The following PLOD1 variants were observed in gnomAD, a reference collection of about 807,000 sequenced individuals.
The protein encoded by PLOD1 is lysine hydroxylase.
A neutral mutation model predicts 94.7 loss-of-function variants in PLOD1; 70 were observed. The ratio of observed to expected loss-of-function variants is 0.74; its 90% CI spans 0.61 to 0.90. The LOEUF is 0.90. Among genes scored for constraint, PLOD1 ranks in the 40% least tolerant of loss-of-function variants. PLOD1 has a pLI of 0.00. For missense variants in PLOD1, 905 were observed against 972.7 expected (o/e 0.93, Z 0.93); for synonymous variants, 417 against 400.2 (o/e 1.04, Z -0.50).
chr1:11,970,639 C>T, intron 16 of PLOD1, 31 bp from the exon 17 acceptor site: 1 of 1,611,550 alleles, frequency 6.2e-7, no homozygotes, highest in African/African-American at 1.3e-5. Flanking sequence ...TCCTAGAATT[C>T]TGCCTAAACA....
chr1:11,951,577 T>A (rs1298201132), intron 4 of PLOD1, among the ~76,000 whole-genome samples: 4 of 146,022 alleles, frequency 2.7e-5, no homozygotes, highest in South Asian at 2.1e-4. Flanking sequence ...AATACTATAT[T>A]TTTTTATAAT....
Position 11,934,841 on chromosome 1 carries a change from ACGCCAAGCCGGAGGGT to A in PLOD1, c.63_76+2del, listed in dbSNP as rs1645566870. Reference sequence around the variant, plus strand: ...CTGCTGCTGGCCGAAGCGAAGGGCGACGCCAAGCCGGAGGGTGAGGGAGCGAAGGCCGGGGGCGGGA... The same window carrying A: ...CTGCTGCTGGCCGAAGCGAAGGGCGAGAGGGAGCGAAGGCCGGGGGCGGGA... On this transcript the variant is annotated splice_donor_variant and coding_sequence_variant, in exon 1 of 19. Transcript: ENST00000196061. LOFTEE classifies it high-confidence loss of function. The A allele has an allele frequency of 1.9e-6, 3 of 1,539,218 alleles. No individual in the cohort carries two copies. The African/African-American group carries it at 4.1e-5, about 21-fold the overall frequency.
chr1:11,943,400 G>A (rs576038279), intron 1 of PLOD1, among the ~76,000 whole-genome samples: 2 of 151,554 alleles, frequency 1.3e-5, no homozygotes, highest in African/African-American at 4.9e-5. Flanking sequence ...GGGTTCAAGC[G>A]ATTCTCTTGC....
chr1:11,966,448 GGGCGGCAGGATGGGAGT>G, intron 15 of PLOD1, 132 bp downstream of exon 15: 1 of 390,412 alleles, frequency 2.6e-6, no homozygotes, highest in South Asian at 1.8e-5. Context: ...GGGAGTTGGG[GGGCGGCAGGATGGGAGT>G]TGGGGGTGGC....
chr1:11,974,449 C>T (rs960185786), intron 18 of PLOD1, among the ~76,000 whole-genome samples: 2 of 152,224 alleles, frequency 1.3e-5, no homozygotes, highest in African/African-American at 4.8e-5. Context: ...TGCCAAAGTG[C>T]TGGGATTACA....
rs744754 is a variant in PLOD1 at position 11,948,146 on chromosome 1, C to T, written c.168+79C>T. ...GGAGCTAGTGTCCTTTCCAAACTAC[C>T]ACGTCTCTTAAGATAGACTTGGGGC... On this transcript the variant is annotated intron_variant, in intron 2 of 18. Coordinates refer to ENST00000196061, the MANE Select transcript of PLOD1 (RefSeq NM_000302.4). 6,006 of 983,224 alleles carry T rather than the reference C, an allele frequency of 6.1e-3. 206 individuals carry two copies. In the African/African-American group the frequency reaches 0.085, roughly 14 times the overall value. The allele number at this position is 983,224 out of a possible 1,614,324, so 60.9% of individuals were successfully genotyped here. A position where few individuals can be genotyped will look rare whatever the true frequency, so the allele number is the denominator to read the frequency against.
Position 11,972,550 on chromosome 1 carries a change from C to T in PLOD1, c.1903-322C>T, listed in dbSNP as rs1418070011. The T allele has an allele frequency of 3.0e-6, 1 of 328,840 alleles. No homozygotes were observed. The highest frequency in any genetic ancestry group is 6.0e-6 in the Non-Finnish European group (1 of 167,646). 20.4% of individuals were successfully genotyped at this position (328,840 alleles called of 1,614,324 possible). On this transcript the variant is annotated intron_variant, in intron 17 of 18. Coordinates refer to ENST00000196061, the MANE Select transcript of PLOD1 (RefSeq NM_000302.4). This position sits in a 1 kb window ranked among gnomAD's most constrained non-coding sequence, Gnocchi z 4.6. The stretch of plus-strand genomic sequence containing the variant: ...TTACAGGCGTGAGTACCATGTCCGG[C>T]CTCCTTCCCTTTCATTTCTTCTCTT...
intron 16 of PLOD1, 46 bp downstream of exon 16, chr1:11,967,137 C>A: frequency 8.0e-7 from 1 of 1,256,696 alleles, no homozygotes; most frequent in South Asian, 1.2e-5. Context: ...GGCTGCCTCT[C>A]CATCAGTGCC....
In PLOD1 at chr1:11,957,153, C is replaced by A. The variant is rs758893548; in HGVS notation, c.741+139C>A. On this transcript the variant is annotated intron_variant, in intron 7 of 18. Coordinates refer to ENST00000196061, the MANE Select transcript of PLOD1 (RefSeq NM_000302.4). This position sits in a 1 kb window ranked among gnomAD's most constrained non-coding sequence, Gnocchi z 4.1. ...TATGAACTCACTGCCTCTGTCCTCA[C>A]ATCTGAGCTCAGCGTGATGCCTTCT... is the stretch of plus-strand genomic sequence containing the variant. 1.3e-6 allele frequency: 1 copy of A among 771,748 alleles called. No homozygotes were observed. Among genetic ancestry groups the A allele is most frequent in the South Asian group, 1.4e-5 (1 of 73,764 alleles). The allele number at this position is 771,748 out of a possible 1,614,324, so 47.8% of individuals were successfully genotyped here.
rs532320867 is a variant in PLOD1 at position 11,974,348 on chromosome 1, G to A, written c.2029-305G>A. Among the ~76,000 whole-genome samples the A allele has an allele frequency of 7.9e-5, 12 of 152,118 alleles. No homozygotes were observed. The South Asian group carries it at 1.2e-3, about 16-fold the overall frequency. ...CAGGCGTGCGCTGCTACACCCAGCT[G>A]GTTTTTGTATTTTTAGTAGAGATGG... On this transcript the variant is annotated intron_variant, in intron 18 of 18. Coordinates refer to ENST00000196061, the MANE Select transcript of PLOD1 (RefSeq NM_000302.4).
At chr1:11,954,260 G>A (rs1299350021) in intron 5 of PLOD1, 8 of 287,862 alleles carry the variant, frequency 2.8e-5, no homozygotes, top group South Asian at 9.2e-5. Flanking sequence ...ATCACCTGAG[G>A]TCAGGAGTTC....
rs543644070 is a variant in PLOD1, at chr1:11,967,685, C to G, written c.1755+594C>G. Among the ~76,000 whole-genome samples, 21 of 132,632 alleles carry G rather than the reference C, an allele frequency of 1.6e-4. No individual in the cohort carries two copies. In the South Asian group the frequency reaches 4.5e-3, roughly 28 times the overall value. The allele number at this position is 132,632 out of a possible 152,430, so 87.0% of individuals were successfully genotyped here. A position where few individuals can be genotyped will look rare whatever the true frequency, so the allele number is the denominator to read the frequency against. On this transcript the variant is annotated intron_variant, in intron 16 of 18. Coordinates refer to ENST00000196061, the MANE Select transcript of PLOD1 (RefSeq NM_000302.4). ...TTTTTTTAAATAATAGAGACGGGGT[C>G]TGGCTGTGTTGCCCAGGCTGGTTGT...
chr1:11,949,454 C>G (rs1474360227), intron 2 of PLOD1, among the ~76,000 whole-genome samples: 1 of 152,140 alleles, frequency 6.6e-6, no homozygotes, highest in Non-Finnish European at 1.5e-5. Flanking sequence ...GAGTGTTGCT[C>G]TGTCTCCCAG....
In PLOD1 at chr1:11,975,024, C is replaced by T; in HGVS notation, c.*216C>T. 1.6e-6 allele frequency: 1 copy of T among 626,020 alleles called. No individual in the cohort carries two copies. The highest frequency in any genetic ancestry group is 2.9e-6 in the Non-Finnish European group (1 of 349,944). The allele number at this position is 626,020 out of a possible 1,614,324, so 38.8% of individuals were successfully genotyped here. On this transcript the variant is annotated 3_prime_UTR_variant, in exon 19 of 19. Transcript: ENST00000196061. ...CTGGGGCTCTCCGTGGTGTTCTGGACCCAGCCCCTGGAGACACCATTCACT... is the reference window on the plus strand; with the variant it reads ...CTGGGGCTCTCCGTGGTGTTCTGGATCCAGCCCCTGGAGACACCATTCACT...
At chr1:11,942,941 G>A (rs1645624723) in intron 1 of PLOD1, among the ~76,000 whole-genome samples, 2 of 152,122 alleles carry the variant, frequency 1.3e-5, no homozygotes, top group African/African-American at 4.8e-5. Flanking sequence ...CAGGCTCTGC[G>A]TGGCCCAAGG....
chr1:11,961,655 G>A (rs1211594152), intron 10 of PLOD1, among the ~76,000 whole-genome samples: 2 of 152,098 alleles, frequency 1.3e-5, no homozygotes, highest in Non-Finnish European at 2.9e-5. Context: ...TGTCATCCAG[G>A]CTGGAGTGCA....
intron 6 of PLOD1, 39 bp from the exon 7 acceptor site, chr1:11,956,878 G>A (rs781635178): frequency 2.9e-6 from 4 of 1,398,594 alleles, no homozygotes; most frequent in Non-Finnish European, 4.1e-6. Context: ...CTGACCTCTG[G>A]GTCTGATGCT....
At position 11,958,625 on chromosome 1, in the gene PLOD1, T is replaced by C; in HGVS notation, c.953T>C (p.Met318Thr). 1 of 1,614,110 alleles carries C rather than the reference T, an allele frequency of 6.2e-7. No homozygotes were observed. The highest frequency in any genetic ancestry group is 8.5e-7 in the Non-Finnish European group (1 of 1,180,004). The change falls in exon 9 of 19, where the codon ATG (methionine) becomes ACG (threonine). Residue 318 changes from methionine to threonine, a missense_variant. Met to Thr is a moderately conservative substitution (Grantham distance 81). Coordinates refer to ENST00000196061, the MANE Select transcript of PLOD1 (RefSeq NM_000302.4). The surrounding 1 kb of genome is among the most constrained non-coding windows in gnomAD (Gnocchi z 4.3). The part of the protein sequence containing the change: ...LLRLHYPQKH[M>T]RLFIHNHEQH... ...CGGCTCCACTACCCCCAGAAACACA[T>C]GCGACTTTTCATCCACAACCACGTG...
At chr1:11,955,490 G>T (rs1259015071) in intron 6 of PLOD1, among the ~76,000 whole-genome samples, 3 of 152,170 alleles carry the variant, frequency 2.0e-5, no homozygotes, top group Non-Finnish European at 4.4e-5. Flanking sequence ...GGATAAATGG[G>T]CCCTTTTGAG....
Sources: allele counts gnomAD v4.1 joint callset (sites outside exome capture counted in the v4.1 genomes callset), GRCh38; gene constraint gnomAD v4.1.1; non-coding constraint Gnocchi (gnomAD v3.1); transcripts MANE v1.5; gene names NCBI Gene and HGNC (gene_info 2026-07-23, HGNC 2026-07-21).